TRDN: variants seen among roughly 807,000 people sequenced by gnomAD.
The protein encoded by TRDN is triadin, also known as triadin in skeletal muscle.
In TRDN, 161 loss-of-function variants were observed where a neutral mutation model predicts 149.7. That is an observed-to-expected ratio of 1.08 (90% confidence interval 0.95 to 1.23). TRDN has a LOEUF of 1.23. Among genes scored for constraint, TRDN ranks in the 50% most tolerant of loss-of-function variants. The pLI is 0.00. For synonymous variants in TRDN, 294 were observed against 250.5 expected (o/e 1.17, Z -1.64); for missense variants, 896 against 823.5 (o/e 1.09, Z -1.08).
At chr6:123,548,703 G>A in intron 2 of TRDN, 91 bp from the exon 3 acceptor site, 1 of 1,112,456 alleles carries the variant, frequency 9.0e-7, no homozygotes, top group African/African-American at 1.6e-5. Flanking sequence ...TTGTTGTTTT[G>A]ACAAAAAGAA....
intron 10 of TRDN, among the ~76,000 whole-genome samples, chr6:123,442,698 C>A (rs1774996996): frequency 6.6e-6 from 1 of 151,856 alleles, no homozygotes; most frequent in African/African-American, 2.4e-5. Context: ...TAATAAAAAT[C>A]TGACCACATA....
At chr6:123,610,119 G>T (rs886500350) in intron 1 of TRDN, among the ~76,000 whole-genome samples, 2 of 152,142 alleles carry the variant, frequency 1.3e-5, no homozygotes, top group Admixed American at 1.3e-4. Flanking sequence ...ATGATTTCTT[G>T]CATGCAATAG....
At chr6:123,399,327 G>A (rs1284627293) in intron 12 of TRDN, among the ~76,000 whole-genome samples, 1 of 152,212 alleles carries the variant, frequency 6.6e-6, no homozygotes, top group African/African-American at 2.4e-5. Flanking sequence ...GATAGAATGT[G>A]TGAGAATGAC....
intron 21 of TRDN, among the ~76,000 whole-genome samples, chr6:123,338,996 A>T (rs1321953862): frequency 6.6e-6 from 1 of 151,944 alleles, no homozygotes; most frequent in Non-Finnish European, 1.5e-5. Flanking sequence ...AACTGTAAGT[A>T]GATGTATTAG....
chr6:123,334,611 G>C (rs1779794465), intron 22 of TRDN, among the ~76,000 whole-genome samples: 1 of 152,046 alleles, frequency 6.6e-6, no homozygotes, highest in Non-Finnish European at 1.5e-5. Context: ...TGTCCCTGTG[G>C]GTGTGTTGAA....
intron 20 of TRDN, among the ~76,000 whole-genome samples, chr6:123,356,503 T>TTATATATATATA (rs71021444): frequency 5.0e-4 from 54 of 106,956 alleles, no homozygotes; most frequent in South Asian, 5.9e-4. Context: ...TACAAGAAGT[T>TTATATATATATA]TATATATATA....
chr6:123,254,105 G>T lies in TRDN; in HGVS notation c.1951+976C>A, dbSNP rs1248878227. 2.0e-5 allele frequency among the ~76,000 whole-genome samples: 3 copies of T among 152,062 alleles called. No individual in the cohort carries two copies. The East Asian group carries it at 5.8e-4, about 29-fold the overall frequency. ...TTACTAAGAATCAAGTAAACAATAG[G>T]AAAAGGTATAACCATACATTTTCTA... On this transcript the variant is annotated intron_variant, in intron 37 of 40. Coordinates refer to ENST00000334268, the MANE Select transcript of TRDN (RefSeq NM_006073.4).
intron 1 of TRDN, among the ~76,000 whole-genome samples, chr6:123,589,833 G>A (rs1783696005): frequency 6.6e-6 from 1 of 152,122 alleles, no homozygotes; most frequent in Admixed American, 6.5e-5. Flanking sequence ...TCCTCATATT[G>A]CCAATAGCTA....
intron 9 of TRDN, among the ~76,000 whole-genome samples, chr6:123,493,524 G>A (rs550893667): frequency 3.3e-5 from 5 of 152,134 alleles, no homozygotes; most frequent in African/African-American, 4.8e-5. Context: ...ATCAGCAAGC[G>A]TTTTCAAATT....
At chr6:123,291,223 T>G (rs1777999865) in intron 24 of TRDN, among the ~76,000 whole-genome samples, 1 of 151,972 alleles carries the variant, frequency 6.6e-6, no homozygotes, top group Non-Finnish European at 1.5e-5. Flanking sequence ...AGAGGGATCT[T>G]GTATAGTCAT....
At chr6:123,285,479 G>A (rs748118208) in intron 24 of TRDN, among the ~76,000 whole-genome samples, 3 of 152,076 alleles carry the variant, frequency 2.0e-5, no homozygotes, top group Non-Finnish European at 2.9e-5. Context: ...CAATTGGCAA[G>A]CCACATGTAG....
intron 10 of TRDN, among the ~76,000 whole-genome samples, chr6:123,456,462 G>A (rs983250573): frequency 6.6e-6 from 1 of 150,468 alleles, no homozygotes; most frequent in East Asian, 1.9e-4. Flanking sequence ...TTTAATTGAA[G>A]CAGGCATTTT....
rs958743270 is a variant in TRDN at position 123,636,831 on chromosome 6, A to G, written c.-56T>C. The G allele has an allele frequency of 4.4e-6, 7 of 1,608,706 alleles. No homozygotes were observed. The African/African-American group carries it at 9.4e-5, about 22-fold the overall frequency. Reference sequence around the variant, plus strand: ...AAGTTCCCGTCAAGTTGCACTTTGCAGAGTATTTGGGGATTTGAGAACTCT... The same window carrying G: ...AAGTTCCCGTCAAGTTGCACTTTGCGGAGTATTTGGGGATTTGAGAACTCT... On this transcript the variant is annotated 5_prime_UTR_variant, in exon 1 of 41. Transcript: ENST00000334268.
At chr6:123,304,714 T>A (rs75456883) in intron 24 of TRDN, among the ~76,000 whole-genome samples, 9,245 of 152,222 alleles carry the variant, frequency 0.061, 940 homozygotes, top group African/African-American at 0.21. Context: ...AGGTTTCTGA[T>A]AATTTTAAAT....
chr6:123,571,906 A>G (rs1782601327), intron 1 of TRDN, among the ~76,000 whole-genome samples: 1 of 152,094 alleles, frequency 6.6e-6, no homozygotes, highest in Admixed American at 6.6e-5. Context: ...ATTTAATCAA[A>G]AACTTTTCTA....
At position 123,475,734 on chromosome 6, in the gene TRDN, G is replaced by A. The variant is rs1306248374; in HGVS notation, c.854-10751C>T. ...CATGATCAAGTGGGCTTCATCCCTG[G>A]GATGCAAGGCTGGTTCAATATACGC... On this transcript the variant is annotated intron_variant, in intron 9 of 40. Transcript: ENST00000334268. Among the ~76,000 whole-genome samples the A allele has an allele frequency of 2.2e-4, 29 of 130,276 alleles. 1 individual carries two copies. The highest frequency in any genetic ancestry group is 8.5e-4 in the African/African-American group (29 of 34,102). The allele number at this position is 130,276 out of a possible 152,430, so 85.5% of individuals were successfully genotyped here. A position where few individuals can be genotyped will look rare whatever the true frequency, so the allele number is the denominator to read the frequency against.
chr6:123,366,185 G>C lies in TRDN; in HGVS notation c.1274-3C>G, dbSNP rs752582338. The C allele has an allele frequency of 6.8e-6, 11 of 1,612,604 alleles. No homozygotes were observed. The highest frequency in any genetic ancestry group is 9.3e-6 in the Non-Finnish European group (11 of 1,179,076). On this transcript the variant is annotated splice_polypyrimidine_tract_variant and splice_region_variant and intron_variant, in intron 19 of 40. Transcript: ENST00000334268. The stretch of plus-strand genomic sequence containing the variant: ...CTCCTCTTTGGCTCGTTCAGTTTCT[G>C]CAAGTTCAGATATTAAAGGAATGAG...
At chr6:123,439,239 G>A (rs887405276) in intron 10 of TRDN, among the ~76,000 whole-genome samples, 2 of 152,120 alleles carry the variant, frequency 1.3e-5, no homozygotes, top group East Asian at 1.9e-4. Context: ...AATGTGTAAC[G>A]TTGTAGACTG....
intron 23 of TRDN, among the ~76,000 whole-genome samples, chr6:123,327,909 A>G (rs1779519017): frequency 6.6e-6 from 1 of 152,180 alleles, no homozygotes; most frequent in Non-Finnish European, 1.5e-5. Flanking sequence ...CATATGTATA[A>G]TTTGTAATGC....
Sources: allele counts gnomAD v4.1 joint callset (sites outside exome capture counted in the v4.1 genomes callset), GRCh38; gene constraint gnomAD v4.1.1; transcripts MANE v1.5; gene names NCBI Gene and HGNC (gene_info 2026-07-23, HGNC 2026-07-21).